The following C17orf113 variants were observed in gnomAD, a reference collection of about 807,000 sequenced individuals.
C17orf113 encodes the protein uncharacterized protein C17orf113.
A neutral mutation model predicts 11.6 loss-of-function variants in C17orf113; 5 were observed. The observed-to-expected ratio is 0.43, with a 90% CI of 0.23 to 0.91. The LOEUF (loss-of-function observed/expected upper bound fraction) is 0.91. Among genes scored for constraint, C17orf113 ranks in the 40% least tolerant of loss-of-function variants. The pLI, the probability that C17orf113 is intolerant of heterozygous loss-of-function variation, is 0.26. For synonymous variants in C17orf113, 327 were observed against 390.6 expected, an observed-to-expected ratio of 0.84 and a Z score of 1.92; for missense variants, 714 against 841.3, an observed-to-expected ratio of 0.85 and a Z score of 1.87.
chr17:42,040,386 G>A lies in C17orf113; in HGVS notation c.1347C>T (p.Arg449=), dbSNP rs1193569590. 8.1e-7 allele frequency: 1 copy of A among 1,231,932 alleles called. No individual in the cohort carries two copies. Among genetic ancestry groups the A allele is most frequent in the Non-Finnish European group, 1.0e-6 (1 of 987,920 alleles). 76.3% of individuals were successfully genotyped at this position (1,231,932 alleles called of 1,614,324 possible). The change falls in exon 3 of 3, where the codon CGC becomes CGT. Residue 449 remains arginine, a synonymous_variant. Coordinates refer to ENST00000587304, the MANE Select transcript of C17orf113 (RefSeq NM_001358661.2). ...CCAGTTCCTGCAGGAAGCCCTGGAG[G>A]CGGGCCCCACCTGAGCCGCGCTGAG... ...LQAQRGSGGA[R]LQGFLQELAS... is the part of the protein sequence containing the mutation.
Position 42,041,988 on chromosome 17 carries a change from A to G in C17orf113, c.544-799T>C, listed in dbSNP as rs569377568. Among the ~76,000 whole-genome samples, 284 of 152,362 alleles carry G rather than the reference A, an allele frequency of 1.9e-3. 2 individuals carry two copies. Among genetic ancestry groups the G allele is most frequent in the African/African-American group, 6.2e-3 (259 of 41,582 alleles). On this transcript the variant is annotated intron_variant, in intron 2 of 2. Coordinates refer to ENST00000587304, the MANE Select transcript of C17orf113 (RefSeq NM_001358661.2). ...GTCACAAATCTAGATTTTTATATGT[A>G]ATCTCCTGAGTTTTTTAAAAGTTGA...
intron 2 of C17orf113, among the ~76,000 whole-genome samples, chr17:42,041,429 G>A (rs1009085500): frequency 1.3e-5 from 2 of 152,000 alleles, no homozygotes; most frequent in Non-Finnish European, 2.9e-5. Flanking sequence ...CTCCCACCCC[G>A]GCCTCCCACC....
intron 1 of C17orf113, among the ~76,000 whole-genome samples, chr17:42,048,712 T>A (rs2053221846): frequency 6.6e-6 from 1 of 152,086 alleles, no homozygotes; most frequent in Non-Finnish European, 1.5e-5. Context: ...TGATTCTTCC[T>A]CCAAAATCCA....
chr17:42,042,783 C>T (rs2053055737), intron 2 of C17orf113, 51 bp downstream of exon 2: 2 of 1,219,946 alleles, frequency 1.6e-6, no homozygotes, highest in South Asian at 4.2e-5. Context: ...CCAGGTGGCT[C>T]AGTGTCCTCC....
rs902414090 is a variant in C17orf113 at position 42,043,324 on chromosome 17, T to C, written c.53A>G (p.Lys18Arg). 58 of 1,232,128 alleles carry C rather than the reference T, an allele frequency of 4.7e-5. No homozygotes were observed. Among genetic ancestry groups the C allele is most frequent in the Non-Finnish European group, 5.7e-5 (56 of 988,020 alleles). The allele number at this position is 1,232,128 out of a possible 1,614,324, so 76.3% of individuals were successfully genotyped here. A position where few individuals can be genotyped will look rare whatever the true frequency, so the allele number is the denominator to read the frequency against. ...PAGEASNSNK[K>R]CKRYFNEHWK... is the part of the protein sequence containing the mutation. Reference sequence around the variant, plus strand: ...GTGCTCGTTGAAGTAACGCTTACACTTCTTGTTGGAGTTGGAGGCCTCTCC... The same window carrying C: ...GTGCTCGTTGAAGTAACGCTTACACCTCTTGTTGGAGTTGGAGGCCTCTCC... Residue 18 changes from lysine to arginine, a missense_variant, in exon 2 of 3, where the codon AAG becomes AGG. Physicochemically the swap from Lys to Arg is conservative, Grantham distance 26. This residue lies in a region of C17orf113 where 516 missense variants were observed against 626.6 expected (regional missense o/e 0.82). Transcript: ENST00000587304.
At position 42,039,982 on chromosome 17, in the gene C17orf113, G is replaced by A; in HGVS notation, c.1751C>T (p.Ala584Val). Residue 584 changes from alanine to valine, a missense_variant, in exon 3 of 3, where the codon GCG (alanine) becomes GTG (valine). By Grantham distance (64) the Ala-to-Val change is moderately conservative (BLOSUM62 0). Transcript: ENST00000587304. ...CTCGTGCAGCTCCGAGTGCGCGCAC[G>A]CCAGCTGGGTGCACAGGGCCCGCGG... The part of the protein sequence containing the change: ...LGPRALCTQL[A>V]CAHSELHELF... The A allele has an allele frequency of 8.1e-7, 1 of 1,231,032 alleles. No individual in the cohort carries two copies. The highest frequency in any genetic ancestry group is 1.0e-6 in the Non-Finnish European group (1 of 987,470). The allele number at this position is 1,231,032 out of a possible 1,614,324, so 76.3% of individuals were successfully genotyped here.
chr17:42,040,675 G>C lies in C17orf113; in HGVS notation c.1058C>G (p.Pro353Arg). The C allele has an allele frequency of 8.1e-7, 1 of 1,232,280 alleles. No homozygotes were observed. Among genetic ancestry groups the C allele is most frequent in the Non-Finnish European group, 1.0e-6 (1 of 988,058 alleles). The allele number at this position is 1,232,280 out of a possible 1,614,324, so 76.3% of individuals were successfully genotyped here. A position where few individuals can be genotyped will look rare whatever the true frequency, so the allele number is the denominator to read the frequency against. The change falls in exon 3 of 3, where the codon CCC becomes CGC. Residue 353 changes from proline to arginine, a missense_variant. Physicochemically the swap from Pro to Arg is moderately radical, Grantham distance 103. Coordinates refer to ENST00000587304, the MANE Select transcript of C17orf113 (RefSeq NM_001358661.2). Reference protein sequence around the residue: ...AIDLAGPRPVPWASLLPVVEA... With the variant: ...AIDLAGPRPVRWASLLPVVEA... ...CACTACAGGCAGCAGGGAGGCCCAG[G>C]GCACTGGCCGAGGCCCTGCCAAGTC...
At chr17:42,047,085 G>T (rs974637697) in intron 1 of C17orf113, among the ~76,000 whole-genome samples, 1 of 149,996 alleles carries the variant, frequency 6.7e-6, no homozygotes, top group Admixed American at 6.6e-5. Context: ...AGGCTGGAGC[G>T]CAGTGGCGCG....
In C17orf113 at chr17:42,041,001, C is replaced by G. The variant is rs572037535; in HGVS notation, c.732G>C (p.Glu244Asp). 8.1e-7 allele frequency: 1 copy of G among 1,232,200 alleles called. No homozygotes were observed. Among genetic ancestry groups the G allele is most frequent in the African/African-American group, 1.6e-5 (1 of 64,428 alleles). The allele number at this position is 1,232,200 out of a possible 1,614,324, so 76.3% of individuals were successfully genotyped here. Residue 244 changes from glutamate to aspartate, a missense_variant, in exon 3 of 3, where the codon GAG becomes GAC. Glu to Asp is a conservative substitution (Grantham distance 45). Coordinates refer to ENST00000587304, the MANE Select transcript of C17orf113 (RefSeq NM_001358661.2). The part of the protein sequence containing the change: ...TTFLGSVELQ[E>D]GEATAGQLLD... ...AGAGCTGGCCAGCAGTGGCCTCGCC[C>G]TCCTGTAGCTCCACACTGCCCAGGA... is the stretch of plus-strand genomic sequence containing the variant.
In C17orf113 at chr17:42,040,114, GC is replaced by G; in HGVS notation, c.1618del (p.Ala540ArgfsTer28). On this transcript the variant is annotated frameshift_variant, in exon 3 of 3. Coordinates refer to ENST00000587304, the MANE Select transcript of C17orf113 (RefSeq NM_001358661.2). LOFTEE classifies it low-confidence loss of function (END_TRUNC). ...PEELGTHGEG[A>X]LRVLLRGFAP... The stretch of plus-strand genomic sequence containing the variant: ...AAAGCCGCGCAGCAGCACCCGCAGC[GC>G]CCCCTCGCCATGCGTGCCCAGCTCC... 1.6e-6 allele frequency: 2 copies of G among 1,231,364 alleles called. No individual in the cohort carries two copies. Among genetic ancestry groups the G allele is most frequent in the Non-Finnish European group, 2.0e-6 (2 of 987,686 alleles). The allele number at this position is 1,231,364 out of a possible 1,614,324, so 76.3% of individuals were successfully genotyped here.
Position 42,040,507 on chromosome 17 carries a change from G to A in C17orf113, c.1226C>T (p.Pro409Leu). ...AFTHLLLDAL[P>L]SVQKLSLVLQ... is the part of the protein sequence containing the mutation. ...GACAAGGGAGAGCTTCTGCACAGAG[G>A]GCAGGGCATCCAGCAGCAGGTGGGT... Residue 409 changes from proline (P) to leucine (L), a missense_variant, in exon 3 of 3, where the codon CCC becomes CTC. Pro to Leu is a moderately conservative substitution (Grantham distance 98). Coordinates refer to ENST00000587304, the MANE Select transcript of C17orf113 (RefSeq NM_001358661.2). The A allele has an allele frequency of 8.1e-7, 1 of 1,232,744 alleles. No homozygotes were observed. Among genetic ancestry groups the A allele is most frequent in the Non-Finnish European group, 1.0e-6 (1 of 988,434 alleles). The allele number at this position is 1,232,744 out of a possible 1,614,324, so 76.4% of individuals were successfully genotyped here.
intron 1 of C17orf113, among the ~76,000 whole-genome samples, chr17:42,048,815 A>C (rs2053224469): frequency 6.6e-6 from 1 of 151,902 alleles, no homozygotes. Flanking sequence ...TTGCTTCCTG[A>C]CTGCACACTG....
intron 2 of C17orf113, among the ~76,000 whole-genome samples, chr17:42,042,536 T>A (rs868913505): frequency 6.6e-6 from 1 of 150,690 alleles, no homozygotes; most frequent in Admixed American, 6.6e-5. Context: ...AAAAAAAAAA[T>A]TAAATACATC....
Position 42,041,189 on chromosome 17 carries a change from CCT to C in C17orf113, c.544-2_544-1del. 8.1e-7 allele frequency: 1 copy of C among 1,232,518 alleles called. No individual in the cohort carries two copies. Among genetic ancestry groups the C allele is most frequent in the Non-Finnish European group, 1.0e-6 (1 of 988,218 alleles). 76.3% of individuals were successfully genotyped at this position (1,232,518 alleles called of 1,614,324 possible). On this transcript the variant is annotated splice_acceptor_variant, in intron 2 of 2. Coordinates refer to ENST00000587304, the MANE Select transcript of C17orf113 (RefSeq NM_001358661.2). LOFTEE classifies it high-confidence loss of function. ...GTGTGCAAGACACTGGCAATGGCCA[CCT>C]GGGACAGCCAGGGAAAGAAAGGGAG...
At chr17:42,048,941 CAAA>C (rs59106537) in intron 1 of C17orf113, among the ~76,000 whole-genome samples, 42 of 144,816 alleles carry the variant, frequency 2.9e-4, no homozygotes, top group East Asian at 8.1e-4. Context: ...GACTCCATCT[CAAA>C]AAAAAAAAAA....
chr17:42,038,435 G>T lies in C17orf113; in HGVS notation c.*1270C>A, dbSNP rs1013417713. ...CCCCAGCTCTGATGAGGCCTAAACT[G>T]CTTCCCCCAGGAGGTAAATAAGCCA... On this transcript the variant is annotated 3_prime_UTR_variant, in exon 3 of 3. Coordinates refer to ENST00000587304, the MANE Select transcript of C17orf113 (RefSeq NM_001358661.2). The T allele has an allele frequency of 4.9e-6, 1 of 204,114 alleles. No homozygotes were observed. Among genetic ancestry groups the T allele is most frequent in the Non-Finnish European group, 9.7e-6 (1 of 103,326 alleles). 12.6% of individuals were successfully genotyped at this position (204,114 alleles called of 1,614,324 possible).
chr17:42,040,253 A>G lies in C17orf113; in HGVS notation c.1480T>C (p.Phe494Leu), dbSNP rs1054210468. 2.3e-5 allele frequency: 28 copies of G among 1,231,468 alleles called. No homozygotes were observed. The highest frequency in any genetic ancestry group is 4.7e-5 in the African/African-American group (3 of 64,422). 76.3% of individuals were successfully genotyped at this position (1,231,468 alleles called of 1,614,324 possible). ...VRGLEWLRGSFLDSMRKGLQD... is the reference protein window; with the variant it reads ...VRGLEWLRGSLLDSMRKGLQD... ...AGGCCCTTCCGCATGGAGTCCAGGA[A>G]GGATCCCCGGAGCCACTCCAAGCCC... is the stretch of plus-strand genomic sequence containing the variant. The change falls in exon 3 of 3, where the codon TTC becomes CTC. Residue 494 changes from phenylalanine (F) to leucine (L), a missense_variant. Physicochemically the swap from Phe to Leu is conservative, Grantham distance 22. Coordinates refer to ENST00000587304, the MANE Select transcript of C17orf113 (RefSeq NM_001358661.2).
At position 42,039,739 on chromosome 17, in the gene C17orf113, C is replaced by G. The variant is rs1269566565; in HGVS notation, c.1994G>C (p.Trp665Ser). The change falls in exon 3 of 3, where the codon TGG (tryptophan) becomes TCG (serine). Residue 665 changes from tryptophan to serine, a missense_variant. Physicochemically the swap from Trp to Ser is radical, Grantham distance 177. This residue lies in a region of C17orf113 where 194 missense variants were observed against 197.2 expected (regional missense o/e 0.98). Coordinates refer to ENST00000587304, the MANE Select transcript of C17orf113 (RefSeq NM_001358661.2). Reference sequence around the variant, plus strand: ...CTGCGACCCCAGGAAGCCCTCTCCCCACCCACTCTCTAAGAACTCCACAGC... The same window carrying G: ...CTGCGACCCCAGGAAGCCCTCTCCCGACCCACTCTCTAAGAACTCCACAGC... ...GLAVEFLESGWGEGFLGSQLT is the reference protein window; with the variant it reads ...GLAVEFLESGSGEGFLGSQLT 1 of 1,232,532 alleles carries G rather than the reference C, an allele frequency of 8.1e-7. No individual in the cohort carries two copies. Among genetic ancestry groups the G allele is most frequent in the Admixed American group, 4.2e-5 (1 of 23,730 alleles). 76.3% of individuals were successfully genotyped at this position (1,232,532 alleles called of 1,614,324 possible).
At chr17:42,045,291 T>C (rs2053134216) in intron 1 of C17orf113, among the ~76,000 whole-genome samples, 1 of 152,194 alleles carries the variant, frequency 6.6e-6, no homozygotes, top group South Asian at 2.1e-4. Context: ...GACCTTGTGA[T>C]CCGCCCGTCT....
Sources: allele counts gnomAD v4.1 joint callset (sites outside exome capture counted in the v4.1 genomes callset), GRCh38; gene constraint gnomAD v4.1.1; regional missense constraint gnomAD v4.1.1; transcripts MANE v1.5; gene names NCBI Gene and HGNC (gene_info 2026-07-23, HGNC 2026-07-21).